Variants in TEX36 observed in about 807,000 individuals in gnomAD.
TEX36 encodes testis expressed 36.
A neutral mutation model predicts 13.6 loss-of-function variants in TEX36; 12 were observed. The observed-to-expected ratio is 0.88, with a 90% CI of 0.56 to 1.43. The LOEUF (loss-of-function observed/expected upper bound fraction) is 1.43, where lower values mean the gene tolerates loss of function less well. TEX36 is among the 40% of genes most tolerant of loss of function. The pLI is 0.00. For synonymous variants in TEX36, 93 were observed against 83.0 expected (o/e 1.12, Z -0.65); for missense variants, 224 against 228.3 (o/e 0.98, Z 0.12).
chr10:125,666,944 C>T (rs1415762619), intron 1 of TEX36: 2 of 764,518 alleles, frequency 2.6e-6, no homozygotes, highest in Admixed American at 2.6e-5. Flanking sequence ...TTGGGGTGTA[C>T]TTTCCTTGAC....
intron 3 of TEX36, among the ~76,000 whole-genome samples, chr10:125,608,972 T>TAA (rs35828943): frequency 0.012 from 979 of 83,262 alleles, 12 homozygotes; most frequent in African/African-American, 0.028. Flanking sequence ...CCACCTCTAC[T>TAA]AAAAAAAAAA....
intron 3 of TEX36, among the ~76,000 whole-genome samples, chr10:125,631,798 C>G (rs1430113305): frequency 6.6e-6 from 1 of 152,082 alleles, no homozygotes; most frequent in African/African-American, 2.4e-5. Context: ...GTTGCTGACA[C>G]AGAAAGTGAG....
intron 3 of TEX36, among the ~76,000 whole-genome samples, chr10:125,596,968 CA>C (rs914132618): frequency 4.6e-5 from 7 of 152,172 alleles, no homozygotes; most frequent in African/African-American, 1.4e-4. Flanking sequence ...TTACCTACTT[CA>C]AAAAGCCATT....
At chr10:125,668,041 C>A (rs1362254778) in intron 1 of TEX36, 5 of 654,254 alleles carry the variant, frequency 7.6e-6, no homozygotes, top group African/African-American at 1.8e-5. Context: ...AGAAATAAAT[C>A]TTTGGCCAGG....
At chr10:125,622,572 A>G (rs994152871) in intron 3 of TEX36, among the ~76,000 whole-genome samples, 6 of 152,146 alleles carry the variant, frequency 3.9e-5, no homozygotes, top group Non-Finnish European at 8.8e-5. Flanking sequence ...AGTCTGGGTC[A>G]TTTGTTCCTG....
downstream of TEX36, among the ~76,000 whole-genome samples, chr10:125,652,132 G>GA (rs918182661): frequency 1.3e-5 from 2 of 151,948 alleles, no homozygotes; most frequent in Admixed American, 6.6e-5. Context: ...CACAGAATTG[G>GA]AAAAAAACTA....
At chr10:125,595,266 G>A (rs1589746047) in intron 3 of TEX36, among the ~76,000 whole-genome samples, 1 of 151,864 alleles carries the variant, frequency 6.6e-6, no homozygotes, top group East Asian at 1.9e-4. Context: ...TAAATAGGTT[G>A]TCCCTCCCTC....
intron 3 of TEX36, among the ~76,000 whole-genome samples, chr10:125,615,177 T>G (rs1846340306): frequency 6.6e-6 from 1 of 152,252 alleles, no homozygotes; most frequent in Admixed American, 6.5e-5. Flanking sequence ...TTAAGGAGAT[T>G]TTGGGCTGAG....
chr10:125,600,672 T>C (rs1317108403), intron 3 of TEX36, among the ~76,000 whole-genome samples: 1 of 152,180 alleles, frequency 6.6e-6, no homozygotes, highest in African/African-American at 2.4e-5. Flanking sequence ...ATCACAACCC[T>C]CTATGCAATG....
chr10:125,616,858 T>C (rs1208715034), downstream of TEX36, among the ~76,000 whole-genome samples: 1 of 148,246 alleles, frequency 6.7e-6, no homozygotes, highest in African/African-American at 2.5e-5. Flanking sequence ...TTCTGTCTCG[T>C]TGATCTGTCT....
chr10:125,599,512 A>G (rs1846120259), intron 3 of TEX36, among the ~76,000 whole-genome samples: 1 of 152,070 alleles, frequency 6.6e-6, no homozygotes, highest in African/African-American at 2.4e-5. Context: ...GGTGTCTTTC[A>G]GTATCATGTT....
chr10:125,604,919 G>T (rs60553422), intron 3 of TEX36, among the ~76,000 whole-genome samples: 6 of 134,740 alleles, frequency 4.5e-5, no homozygotes, highest in African/African-American at 1.1e-4. Flanking sequence ...GGCTCCCACC[G>T]ATTCTACATG....
intron 3 of TEX36, among the ~76,000 whole-genome samples, chr10:125,642,814 G>A (rs1300755959): frequency 6.6e-6 from 1 of 152,158 alleles, no homozygotes; most frequent in East Asian, 1.9e-4. Flanking sequence ...GTCTTTAGGA[G>A]GCAACAATGT....
intron 3 of TEX36, among the ~76,000 whole-genome samples, chr10:125,622,759 G>C (rs897213839): frequency 6.6e-6 from 1 of 152,222 alleles, no homozygotes; most frequent in Non-Finnish European, 1.5e-5. Flanking sequence ...CCTTCATCGA[G>C]GAGTAGTAGT....
intron 3 of TEX36, among the ~76,000 whole-genome samples, chr10:125,634,807 G>A (rs915585802): frequency 6.6e-6 from 1 of 152,158 alleles, no homozygotes; most frequent in South Asian, 2.1e-4. Context: ...TCATCATTGA[G>A]GGTAGATAGA....
intron 3 of TEX36, among the ~76,000 whole-genome samples, chr10:125,593,493 G>T (rs1026022477): frequency 1.3e-5 from 2 of 152,096 alleles, no homozygotes; most frequent in South Asian, 2.1e-4. Context: ...TAAAGTCTTC[G>T]GTGCTTGCCT....
intron 1 of TEX36, among the ~76,000 whole-genome samples, chr10:125,682,511 T>C (rs1024671078): frequency 1.4e-4 from 21 of 152,212 alleles, no homozygotes; most frequent in African/African-American, 5.1e-4. Flanking sequence ...ATTGAGTGCC[T>C]TCTATGCTCC....
intron 3 of TEX36, among the ~76,000 whole-genome samples, chr10:125,642,341 G>A (rs1846704506): frequency 6.6e-6 from 1 of 152,220 alleles, no homozygotes. Flanking sequence ...AGCCTCTGAT[G>A]TCACAAACCT....
intron 3 of TEX36, among the ~76,000 whole-genome samples, chr10:125,627,446 T>C (rs1846501975): frequency 6.6e-6 from 1 of 152,222 alleles, no homozygotes; most frequent in South Asian, 2.1e-4. Flanking sequence ...CCTGTTAGAA[T>C]ATTTAAGTCA....
Sources: allele counts gnomAD v4.1 joint callset (sites outside exome capture counted in the v4.1 genomes callset), GRCh38; gene constraint gnomAD v4.1.1; transcripts MANE v1.5; gene names NCBI Gene and HGNC (gene_info 2026-07-23, HGNC 2026-07-21).